The following CNTNAP4 variants were observed in gnomAD, a reference collection of about 807,000 sequenced individuals.
The protein encoded by CNTNAP4 is contactin associated protein family member 4, also known as contactin-associated protein-like 4.
A neutral mutation model predicts 148.4 loss-of-function variants in CNTNAP4; 98 were observed. The ratio of observed to expected loss-of-function variants is 0.66; its 90% CI spans 0.56 to 0.78. The LOEUF (loss-of-function observed/expected upper bound fraction) is 0.78. Ranked by LOEUF, CNTNAP4 falls within the 30% of genes least tolerant of loss-of-function variation. The probability of loss-of-function intolerance (pLI) is 0.00; values close to 1 mark genes in which losing one functional copy is unlikely to be tolerated. For missense variants in CNTNAP4, 1,935 were observed against 1,565.6 expected, an observed-to-expected ratio of 1.24 and a Z score of -3.98; for synonymous variants, 730 against 565.1, an observed-to-expected ratio of 1.29 and a Z score of -4.14.
At chr16:76,312,936 C>G (rs1400900789) in intron 1 of CNTNAP4, among the ~76,000 whole-genome samples, 1 of 152,128 alleles carries the variant, frequency 6.6e-6, no homozygotes, top group Non-Finnish European at 1.5e-5. Context: ...AGAATAACTA[C>G]AATATATCAT....
At chr16:76,340,547 A>G (rs539913633) in intron 2 of CNTNAP4, among the ~76,000 whole-genome samples, 162 of 152,114 alleles carry the variant, frequency 1.1e-3, no homozygotes, top group African/African-American at 3.3e-3. Flanking sequence ...CCCAATGCCT[A>G]CTATTTATGG....
intron 14 of CNTNAP4, among the ~76,000 whole-genome samples, chr16:76,496,086 TGTG>T (rs561473703): frequency 0.17 from 3,134 of 17,912 alleles, 98 homozygotes; most frequent in African/African-American, 0.35. Context: ...AAGATTATGT[TGTG>T]TGTGTGTGTG....
chr16:76,439,333 GTTGTTA>G (rs2145133364), intron 4 of CNTNAP4, among the ~76,000 whole-genome samples: 2 of 64,730 alleles, frequency 3.1e-5, no homozygotes, highest in South Asian at 5.2e-4. Context: ...GATTTCAAGT[GTTGTTA>G]TTATTAAAAT....
intron 1 of CNTNAP4, among the ~76,000 whole-genome samples, chr16:76,292,652 C>T (rs1959160929): frequency 6.6e-6 from 1 of 152,166 alleles, no homozygotes; most frequent in Admixed American, 6.5e-5. Context: ...TCTCTTGGTA[C>T]TGATTTTGAT....
chr16:76,494,849 A>T, intron 13 of CNTNAP4, 61 bp from the exon 14 acceptor site: 1 of 1,484,334 alleles, frequency 6.7e-7, no homozygotes, highest in South Asian at 1.2e-5. Context: ...AAGGAATTAT[A>T]TTGGGAGAGA....
chr16:76,445,824 A>G (rs1291125327), intron 4 of CNTNAP4, among the ~76,000 whole-genome samples: 1 of 152,192 alleles, frequency 6.6e-6, no homozygotes, highest in Non-Finnish European at 1.5e-5. Flanking sequence ...TTTAAGTGAT[A>G]CATTAACTCG....
intron 1 of CNTNAP4, among the ~76,000 whole-genome samples, chr16:76,299,072 C>A (rs1959646134): frequency 6.6e-6 from 1 of 152,122 alleles, no homozygotes; most frequent in Admixed American, 6.6e-5. Flanking sequence ...TACTACTATT[C>A]AGGACATAGG....
intron 3 of CNTNAP4, among the ~76,000 whole-genome samples, chr16:76,360,978 G>A (rs1230470341): frequency 6.6e-6 from 1 of 151,472 alleles, no homozygotes; most frequent in Non-Finnish European, 1.5e-5. Flanking sequence ...CTCCACACCC[G>A]GCTAATTTTT....
intron 3 of CNTNAP4, among the ~76,000 whole-genome samples, chr16:76,403,318 C>T (rs758335575): frequency 2.6e-5 from 4 of 152,072 alleles, no homozygotes; most frequent in Non-Finnish European, 2.9e-5. Context: ...TGGTCTCGAT[C>T]TCCTGACCTC....
At chr16:76,368,638 C>T (rs13334501) in intron 3 of CNTNAP4, among the ~76,000 whole-genome samples, 7,042 of 151,802 alleles carry the variant, frequency 0.046, 537 homozygotes, top group African/African-American at 0.16. Context: ...CATATGGGCA[C>T]AGGGAGGGGA....
At chr16:76,311,033 C>G (rs1961045213) in intron 1 of CNTNAP4, among the ~76,000 whole-genome samples, 1 of 151,982 alleles carries the variant, frequency 6.6e-6, no homozygotes, top group African/African-American at 2.4e-5. Context: ...GGGTGTTTAT[C>G]AGGATCAGTT....
intron 2 of CNTNAP4, among the ~76,000 whole-genome samples, chr16:76,321,146 C>T (rs946355619): frequency 6.6e-6 from 1 of 152,168 alleles, no homozygotes; most frequent in Admixed American, 6.5e-5. Context: ...CCCTTCTATT[C>T]TAAATGGTTG....
chr16:76,496,652 T>C (rs1214942170), intron 14 of CNTNAP4, among the ~76,000 whole-genome samples: 1 of 152,038 alleles, frequency 6.6e-6, no homozygotes, highest in African/African-American at 2.4e-5. Context: ...AACCAAACAA[T>C]GGCAATTTAT....
At chr16:76,538,522 A>G (rs529414371) in intron 19 of CNTNAP4, among the ~76,000 whole-genome samples, 182 bp downstream of exon 19, 21 of 152,216 alleles carry the variant, frequency 1.4e-4, no homozygotes, top group South Asian at 6.2e-4. Flanking sequence ...ATTTAAAATG[A>G]TTAAGATGCC....
At chr16:76,324,170 A>G (rs1439052158) in intron 2 of CNTNAP4, among the ~76,000 whole-genome samples, 1 of 152,200 alleles carries the variant, frequency 6.6e-6, no homozygotes, top group East Asian at 1.9e-4. Flanking sequence ...CTCCCGCCTT[A>G]GGAGATGTCT....
At chr16:76,398,916 T>C (rs2078305026) in intron 3 of CNTNAP4, among the ~76,000 whole-genome samples, 1 of 152,066 alleles carries the variant, frequency 6.6e-6, no homozygotes, top group South Asian at 2.1e-4. Flanking sequence ...CCTTGAATTG[T>C]AATAATCCCC....
chr16:76,448,765 A>G lies in CNTNAP4; in HGVS notation c.743-2A>G. 1 of 1,597,672 alleles carries G rather than the reference A, an allele frequency of 6.3e-7. No individual in the cohort carries two copies. Among genetic ancestry groups the G allele is most frequent in the South Asian group, 1.1e-5 (1 of 87,986 alleles). ...GTGCTGTTATTTTTCTCCTCTTCTA[A>G]GGTGAAGCTAAACTGCCTTCCACTT... On this transcript the variant is annotated splice_acceptor_variant, in intron 5 of 23. Transcript: ENST00000611870. LOFTEE classifies it high-confidence loss of function.
intron 3 of CNTNAP4, among the ~76,000 whole-genome samples, chr16:76,408,446 G>T (rs2078681410): frequency 1.4e-5 from 2 of 141,456 alleles, no homozygotes; most frequent in South Asian, 4.2e-4. Context: ...ATACACACAA[G>T]TAAACAGAGT....
intron 3 of CNTNAP4, among the ~76,000 whole-genome samples, chr16:76,400,238 G>A (rs1042460738): frequency 6.6e-6 from 1 of 152,150 alleles, no homozygotes; most frequent in Non-Finnish European, 1.5e-5. Flanking sequence ...GGGGTGCAAT[G>A]TGATGTTTTG....
Sources: gnomAD v4.1 joint callset for allele counts (sites outside exome capture counted in the v4.1 genomes callset) on GRCh38, gnomAD v4.1.1 for gene constraint, MANE v1.5 for transcripts, NCBI Gene and HGNC (gene_info 2026-07-23, HGNC 2026-07-21) for gene names.